SRFBP1: variants seen among roughly 807,000 people sequenced by gnomAD.
The protein encoded by SRFBP1 is serum response factor binding protein 1, also known as serum response factor-binding protein 1.
Under a neutral mutation model 45.5 loss-of-function variants are expected in SRFBP1, and 47 were observed. That is an observed-to-expected ratio of 1.03 (90% CI 0.82 to 1.32). SRFBP1 has a LOEUF of 1.32. SRFBP1 is among the 40% of genes most tolerant of loss of function. SRFBP1 has a pLI of 0.00. For synonymous variants in SRFBP1, 203 were observed against 166.3 expected (o/e 1.22, Z -1.70); for missense variants, 621 against 484.6 (o/e 1.28, Z -2.64).
At chr5:122,058,014 G>A (rs1463717320) in intron 2 of SRFBP1, among the ~76,000 whole-genome samples, 2 of 152,064 alleles carry the variant, frequency 1.3e-5, no homozygotes, top group Non-Finnish European at 2.9e-5. Flanking sequence ...GTTCCTCAAA[G>A]TGTAATTATT....
At chr5:122,046,003 G>A (rs1239769901) in intron 2 of SRFBP1, among the ~76,000 whole-genome samples, 2 of 152,004 alleles carry the variant, frequency 1.3e-5, no homozygotes, top group East Asian at 3.9e-4. Flanking sequence ...GTCATAGATG[G>A]CTCTTATTAT....
downstream of SRFBP1, among the ~76,000 whole-genome samples, chr5:122,031,539 C>T (rs924503413): frequency 7.2e-5 from 11 of 152,080 alleles, no homozygotes; most frequent in African/African-American, 2.2e-4. Flanking sequence ...ATAGAAATTA[C>T]GAAGAAAAGC....
chr5:122,013,406 C>T (rs912791355), intron 4 of SRFBP1, among the ~76,000 whole-genome samples: 1 of 152,036 alleles, frequency 6.6e-6, no homozygotes, highest in African/African-American at 2.4e-5. Context: ...AGATACAGCA[C>T]ATACTTCAAA....
chr5:122,005,677 A>G (rs1224268389), intron 4 of SRFBP1, among the ~76,000 whole-genome samples: 1 of 152,126 alleles, frequency 6.6e-6, no homozygotes, highest in Non-Finnish European at 1.5e-5. Flanking sequence ...ATATGGACTT[A>G]CTACTGCCAT....
In SRFBP1 at chr5:122,027,074, A is replaced by T. The variant is rs1277284260; in HGVS notation, c.1238A>T (p.Gln413Leu). Residue 413 changes from glutamine (Q) to leucine (L), a missense_variant, in exon 8 of 8, where the codon CAG (glutamine) becomes CTG (leucine). Gln to Leu is a moderately radical substitution (Grantham distance 113, BLOSUM62 -2). Transcript: ENST00000339397. ...GAAGCAAGCAGAAGGCGAAAAGAAC[A>T]GCAATCTAATATTGCTGTGTTTCAG... is the stretch of plus-strand genomic sequence containing the variant. ...SWEASRRRKE[Q>L]QSNIAVFQGK... 1.2e-5 allele frequency: 20 copies of T among 1,612,920 alleles called. No individual in the cohort carries two copies. The highest frequency in any genetic ancestry group is 1.7e-5 in the Non-Finnish European group (20 of 1,179,722).
chr5:122,057,918 A>G (rs773356544), intron 2 of SRFBP1, among the ~76,000 whole-genome samples: 7 of 151,932 alleles, frequency 4.6e-5, no homozygotes, highest in Non-Finnish European at 8.8e-5. Context: ...AACTCAAGCA[A>G]TTCTCCCTCC....
chr5:122,055,165 TG>T (rs1754057853), intron 2 of SRFBP1, among the ~76,000 whole-genome samples: 1 of 152,210 alleles, frequency 6.6e-6, no homozygotes, highest in Non-Finnish European at 1.5e-5. Context: ...ATTTAGTGTC[TG>T]GTAAGGGCCC....
chr5:122,003,963 C>G (rs1316776243), intron 4 of SRFBP1, among the ~76,000 whole-genome samples: 1 of 152,114 alleles, frequency 6.6e-6, no homozygotes, highest in Non-Finnish European at 1.5e-5. Flanking sequence ...GAGACAGGAT[C>G]TCGCTCTGTC....
downstream of SRFBP1, among the ~76,000 whole-genome samples, chr5:122,028,968 G>A (rs1350549551): frequency 1.3e-5 from 2 of 152,148 alleles, no homozygotes; most frequent in Non-Finnish European, 2.9e-5. Context: ...CTGGGATGCA[G>A]TGAAGTTACT....
At chr5:121,973,579 T>C (rs1752242558) in intron 1 of SRFBP1, among the ~76,000 whole-genome samples, 1 of 146,338 alleles carries the variant, frequency 6.8e-6, no homozygotes, top group Admixed American at 6.8e-5. Context: ...GTAGGGTGAT[T>C]TAAATTATGT....
intron 2 of SRFBP1, among the ~76,000 whole-genome samples, chr5:122,041,170 G>T (rs1174902631): frequency 6.6e-6 from 1 of 152,132 alleles, no homozygotes; most frequent in Non-Finnish European, 1.5e-5. Flanking sequence ...GAGATAAGTG[G>T]CTTGGGCTTG....
downstream of SRFBP1, chr5:122,077,950 A>T: frequency 6.8e-7 from 1 of 1,478,850 alleles, no homozygotes; most frequent in South Asian, 1.5e-5. This position sits in a 1 kb window ranked among gnomAD's most constrained non-coding sequence, Gnocchi z 4.9. Flanking sequence ...AGAGCTGCAA[A>T]GGCCCGAGCA....
chr5:122,044,568 T>C (rs1268767835), intron 2 of SRFBP1, among the ~76,000 whole-genome samples: 3 of 152,118 alleles, frequency 2.0e-5, no homozygotes, highest in East Asian at 1.9e-4. Context: ...TGAGATGGTA[T>C]TGCATTGTGG....
At chr5:122,038,897 T>C (rs1431410988) in intron 2 of SRFBP1, among the ~76,000 whole-genome samples, 1 of 152,022 alleles carries the variant, frequency 6.6e-6, no homozygotes, top group East Asian at 1.9e-4. Flanking sequence ...AGAGGTGGGA[T>C]GCAAAAACTA....
downstream of SRFBP1, among the ~76,000 whole-genome samples, chr5:122,033,148 A>G (rs1292451937): frequency 6.8e-6 from 1 of 146,650 alleles, no homozygotes; most frequent in Non-Finnish European, 1.5e-5. Flanking sequence ...TTTTTTGCCC[A>G]TTTTTCCACT....
At chr5:121,972,281 G>A (rs908474502) in intron 1 of SRFBP1, among the ~76,000 whole-genome samples, 1 of 151,920 alleles carries the variant, frequency 6.6e-6, no homozygotes, top group Non-Finnish European at 1.5e-5. Flanking sequence ...AGGAAGATGG[G>A]TCATGGAAGT....
chr5:121,974,862 C>A (rs772561421), intron 2 of SRFBP1, among the ~76,000 whole-genome samples: 1 of 151,756 alleles, frequency 6.6e-6, no homozygotes, highest in South Asian at 2.1e-4. Flanking sequence ...ATGTTTTGTT[C>A]CTGATTAATT....
At chr5:122,071,506 T>G (rs1754452184) in intron 2 of SRFBP1, among the ~76,000 whole-genome samples, 1 of 152,152 alleles carries the variant, frequency 6.6e-6, no homozygotes, top group Non-Finnish European at 1.5e-5. Flanking sequence ...AATATTCACA[T>G]CAATAAGTAA....
At chr5:122,034,338 A>G (rs1370264589) in intron 2 of SRFBP1, among the ~76,000 whole-genome samples, 1 of 151,878 alleles carries the variant, frequency 6.6e-6, no homozygotes, top group Admixed American at 6.6e-5. Flanking sequence ...TTTCGTTATA[A>G]TGTGTTTACT....
Sources: gnomAD v4.1 joint callset for allele counts (sites outside exome capture counted in the v4.1 genomes callset) on GRCh38, gnomAD v4.1.1 for gene constraint, Gnocchi (gnomAD v3.1) non-coding constraint, MANE v1.5 for transcripts, NCBI Gene and HGNC (gene_info 2026-07-23, HGNC 2026-07-21) for gene names.